ANO1: variants seen among roughly 807,000 people sequenced by gnomAD.
The protein encoded by ANO1 is anoctamin-1.
In ANO1, 59 loss-of-function variants were observed where a neutral mutation model predicts 124.0. That is an observed-to-expected ratio of 0.48 (90% CI 0.39 to 0.59). The LOEUF is 0.59. Among genes scored for constraint, ANO1 ranks in the 20% least tolerant of loss-of-function variants. ANO1 has a pLI of 0.00. For synonymous variants in ANO1, 529 were observed against 532.0 expected, an observed-to-expected ratio of 0.99 and a Z score of 0.08; for missense variants, 1,059 against 1,328.0, an observed-to-expected ratio of 0.80 and a Z score of 3.15.
chr11:70,137,424 C>A (rs572003649), intron 11 of ANO1, among the ~76,000 whole-genome samples: 3 of 132,792 alleles, frequency 2.3e-5, no homozygotes, highest in African/African-American at 5.3e-5. Flanking sequence ...CCCACCCCCC[C>A]ACCCGCCATC....
At chr11:70,083,904 T>C (rs1460181904) in intron 1 of ANO1, among the ~76,000 whole-genome samples, 1 of 152,240 alleles carries the variant, frequency 6.6e-6, no homozygotes, top group East Asian at 1.9e-4. Context: ...CAGAGAGACC[T>C]GCAGAGGCCA....
intron 2 of ANO1, among the ~76,000 whole-genome samples, chr11:70,094,614 G>A (rs11233898): frequency 0.28 from 43,282 of 152,166 alleles, 7,526 homozygotes; most frequent in East Asian, 0.44. Context: ...AGAGTGGCAC[G>A]TCTGGCCTTT....
At chr11:69,966,539 T>C in the ANO1 span, among the ~76,000 whole-genome samples, 10 of 152,144 alleles carry the variant, frequency 6.6e-5, no homozygotes. Context: ...CATTCGGACC[T>C]GCCACTGGGA....
upstream of ANO1, among the ~76,000 whole-genome samples, chr11:70,073,833 G>A (rs868915286): frequency 2.0e-5 from 3 of 149,060 alleles, no homozygotes; most frequent in South Asian, 2.2e-4. Context: ...AAAAAAATCC[G>A]CACCCTCCCC....
rs757797751 is a variant in ANO1, at chr11:70,126,202, G to C, written c.1097+7G>C. 1.2e-6 allele frequency: 2 copies of C among 1,609,792 alleles called. No individual in the cohort carries two copies. Among genetic ancestry groups the C allele is most frequent in the South Asian group, 1.1e-5 (1 of 90,130 alleles). On this transcript the variant is annotated splice_region_variant and intron_variant, in intron 10 of 25. Coordinates refer to ENST00000355303, the MANE Select transcript of ANO1 (RefSeq NM_018043.7). ...TGGATGAAAACATCCCCAGGTAGGCGGCAGCCCACCCCCACCACCCCGCAG... is the reference window on the plus strand; with the variant it reads ...TGGATGAAAACATCCCCAGGTAGGCCGCAGCCCACCCCCACCACCCCGCAG...
intron 1 of ANO1, among the ~76,000 whole-genome samples, chr11:70,049,564 A>C (rs1857316241): frequency 6.7e-6 from 1 of 148,322 alleles, no homozygotes; most frequent in African/African-American, 2.5e-5. Context: ...TGTTATGGGC[A>C]ATGGGGATGG....
intron 16 of ANO1, 43 bp downstream of exon 16, chr11:70,157,064 C>T (rs751147282): frequency 7.6e-5 from 119 of 1,565,094 alleles, no homozygotes; most frequent in Non-Finnish European, 9.5e-5. Context: ...CAGGGGAAAC[C>T]GCAAGGAAGT....
intron 1 of ANO1, among the ~76,000 whole-genome samples, chr11:70,042,788 G>A (rs10899575): frequency 0.027 from 4,044 of 152,278 alleles, 152 homozygotes; most frequent in East Asian, 0.16. Context: ...GTATCATCGG[G>A]ATTCAAGGCT....
Position 70,182,663 on chromosome 11 carries a change from G to C in ANO1, c.2565G>C (p.Leu855=). Residue 855 remains leucine (L), a synonymous_variant, in exon 24 of 26, where the codon CTG becomes CTC. Coordinates refer to ENST00000355303, the MANE Select transcript of ANO1 (RefSeq NM_018043.7). The stretch of plus-strand genomic sequence containing the variant: ...CGGCCCCCAATGACCCCCTGGACCT[G>C]GGCTACGAGGTGCAGATCTGCAGGT... ...NGTAPNDPLD[L]GYEVQICRYK... is the part of the protein sequence containing the mutation. The C allele has an allele frequency of 6.2e-7, 1 of 1,603,686 alleles. No homozygotes were observed. The highest frequency in any genetic ancestry group is 2.2e-5 in the East Asian group (1 of 44,608).
At chr11:70,051,222 T>G (rs1227718126) in intron 1 of ANO1, among the ~76,000 whole-genome samples, 1 of 152,184 alleles carries the variant, frequency 6.6e-6, no homozygotes, top group Non-Finnish European at 1.5e-5. Context: ...TCAACTTGCC[T>G]GTTTTTGAAT....
intron 16 of ANO1, among the ~76,000 whole-genome samples, chr11:70,158,167 T>G (rs563331036): frequency 1.3e-5 from 2 of 152,342 alleles, no homozygotes; most frequent in Admixed American, 1.3e-4. Context: ...CACAAGTCTG[T>G]GACGTGGCTT....
At chr11:70,163,200 C>T in intron 18 of ANO1, 83 bp from the exon 19 acceptor site, 4 of 1,466,908 alleles carry the variant, frequency 2.7e-6, no homozygotes, top group Non-Finnish European at 3.7e-6. Context: ...GACTCACACG[C>T]TGCACAGTCC....
chr11:70,169,557 A>G (rs2048378517), intron 21 of ANO1, among the ~76,000 whole-genome samples: 1 of 149,942 alleles, frequency 6.7e-6, no homozygotes. Context: ...GAGGAAGCCC[A>G]CCCTGCTGAG....
rs755991298 is a variant in ANO1, at chr11:70,103,106, C to T, written c.482C>T (p.Pro161Leu). 6.2e-7 allele frequency: 1 copy of T among 1,612,980 alleles called. No homozygotes were observed. The change falls in exon 3 of 26, where the codon CCC becomes CTC. Residue 161 changes from proline (P) to leucine (L), a missense_variant. This residue lies in a region of ANO1 where 250 missense variants were observed against 233.1 expected (regional missense o/e 1.07). Coordinates refer to ENST00000355303, the MANE Select transcript of ANO1 (RefSeq NM_018043.7). ...HGVGFVKIHA[P>L]WNVLCREAEF... The stretch of plus-strand genomic sequence containing the variant: ...GTCGGGTTTGTGAAAATCCATGCCC[C>T]CTGGAACGTGCTGTGCAGAGAGGCC...
chr11:70,023,015 G>A lies in ANO1; in HGVS notation c.58+36849G>A, dbSNP rs772245859. On this transcript the variant is annotated intron_variant, in intron 1 of 27. Transcript: ENST00000531349. ...GGGCCACAAGGCAAGGACTGCAGGT[G>A]GCCTCTAGAAGCTGGAGAAGGCAAG... 3.6e-4 allele frequency among the ~76,000 whole-genome samples: 55 copies of A among 152,182 alleles called. 1 individual carries two copies. The highest frequency in any genetic ancestry group is 1.4e-3 in the Admixed American group (21 of 15,284).
intron 1 of ANO1, among the ~76,000 whole-genome samples, chr11:70,023,953 T>C (rs1856848362): frequency 6.6e-6 from 1 of 152,204 alleles, no homozygotes; most frequent in Non-Finnish European, 1.5e-5. Context: ...ACCAATACTA[T>C]CCAGGATTGC....
upstream of ANO1, among the ~76,000 whole-genome samples, chr11:70,076,271 C>T (rs1215389603): frequency 6.6e-6 from 1 of 152,114 alleles, no homozygotes; most frequent in Admixed American, 6.5e-5. Flanking sequence ...TTGAGTAAAG[C>T]CGCAAGGGGT....
chr11:70,128,620 T>C (rs537610415), intron 10 of ANO1, among the ~76,000 whole-genome samples: 23 of 152,210 alleles, frequency 1.5e-4, no homozygotes, highest in Non-Finnish European at 2.9e-4. Context: ...GCAGGCGACC[T>C]GGAGCGAAGC....
At chr11:70,053,226 A>G (rs1857381835) in intron 1 of ANO1, among the ~76,000 whole-genome samples, 1 of 152,214 alleles carries the variant, frequency 6.6e-6, no homozygotes, top group Admixed American at 6.5e-5. Context: ...TTTTGGGGAT[A>G]AAGTCAGTTT....
Sources: allele counts gnomAD v4.1 joint callset (sites outside exome capture counted in the v4.1 genomes callset), GRCh38; gene constraint gnomAD v4.1.1; regional missense constraint gnomAD v4.1.1; transcripts MANE v1.5; gene names NCBI Gene and HGNC (gene_info 2026-07-23, HGNC 2026-07-21).